SH3RF1: variants seen among roughly 807,000 people sequenced by gnomAD.
SH3RF1 encodes E3 ubiquitin-protein ligase SH3RF1.
In SH3RF1, 32 loss-of-function variants were observed where a neutral mutation model predicts 74.0. The ratio of observed to expected loss-of-function variants is 0.43; its 90% CI spans 0.33 to 0.58. The LOEUF is 0.58. Among genes scored for constraint, SH3RF1 ranks in the 20% least tolerant of loss-of-function variants. The probability of loss-of-function intolerance (pLI) is 0.05; values close to 1 mark genes in which losing one functional copy is unlikely to be tolerated. For synonymous variants in SH3RF1, 396 were observed against 439.6 expected (o/e 0.90, Z 1.24); for missense variants, 954 against 1,130.9 (o/e 0.84, Z 2.24).
At chr4:169,170,162 G>T (rs1382072631) in intron 2 of SH3RF1, among the ~76,000 whole-genome samples, 3 of 151,966 alleles carry the variant, frequency 2.0e-5, no homozygotes, top group Admixed American at 6.6e-5. Context: ...TAAGCCAGTT[G>T]CAGCAAGCCC....
intron 2 of SH3RF1, among the ~76,000 whole-genome samples, chr4:169,187,568 AGTT>A (rs1734630860): frequency 7.2e-6 from 1 of 139,232 alleles, no homozygotes; most frequent in Admixed American, 7.3e-5. Flanking sequence ...GTGTGTGTGT[AGTT>A]GACAAGCAAC....
At chr4:169,143,263 T>C (rs1321053459) in intron 4 of SH3RF1, among the ~76,000 whole-genome samples, 1 of 152,172 alleles carries the variant, frequency 6.6e-6, no homozygotes, top group African/African-American at 2.4e-5. Context: ...ATAATACATT[T>C]TATTTAGCCC....
chr4:169,190,194 C>G (rs893929563), intron 2 of SH3RF1, among the ~76,000 whole-genome samples: 6 of 151,952 alleles, frequency 3.9e-5, no homozygotes, highest in African/African-American at 1.4e-4. Flanking sequence ...AAACCTGAAC[C>G]CAGCAAAAGA....
At chr4:169,232,936 G>A (rs1730766801) in intron 2 of SH3RF1, among the ~76,000 whole-genome samples, 1 of 152,042 alleles carries the variant, frequency 6.6e-6, no homozygotes, top group Admixed American at 6.6e-5. Context: ...TCAAGCCTTC[G>A]TATGCAGCAG....
chr4:169,166,365 T>A (rs529003784), intron 2 of SH3RF1: 23 of 158,948 alleles, frequency 1.4e-4, no homozygotes, highest in African/African-American at 5.3e-4. Flanking sequence ...ACGGGTAACT[T>A]CAAGGCTAAA....
chr4:169,136,491 T>A lies in SH3RF1; in HGVS notation c.895A>T (p.Thr299Ser). 1 of 1,613,770 alleles carries A rather than the reference T, an allele frequency of 6.2e-7. No homozygotes were observed. Among genetic ancestry groups the A allele is most frequent in the South Asian group, 1.1e-5 (1 of 91,040 alleles). The change falls in exon 5 of 12, where the codon ACC (threonine) becomes TCC (serine). Residue 299 changes from threonine (T) to serine (S), a missense_variant. By Grantham distance (58) the Thr-to-Ser change is moderately conservative. Coordinates refer to ENST00000284637, the MANE Select transcript of SH3RF1 (RefSeq NM_020870.4). Reference protein sequence around the residue: ...APKHSDTKKNTKKRHSFTSLT... With the variant: ...APKHSDTKKNSKKRHSFTSLT... The stretch of plus-strand genomic sequence containing the variant: ...GAAGTGAAGGAGTGCCGCTTTTTGG[T>A]GTTCTTCTTGGTGTCGGAGTGCTTT...
intron 2 of SH3RF1, among the ~76,000 whole-genome samples, chr4:169,214,849 T>G (rs991293135): frequency 6.6e-5 from 10 of 152,228 alleles, no homozygotes; most frequent in Non-Finnish European, 1.3e-4. Flanking sequence ...AAAAAAACTT[T>G]CAGGAGTTTT....
At chr4:169,203,125 T>C (rs998063652) in intron 2 of SH3RF1, among the ~76,000 whole-genome samples, 1 of 152,208 alleles carries the variant, frequency 6.6e-6, no homozygotes, top group Admixed American at 6.5e-5. Flanking sequence ...ACCAAACGTC[T>C]CACAGAAAAC....
intron 2 of SH3RF1, among the ~76,000 whole-genome samples, chr4:169,237,435 G>T (rs1021737133): frequency 1.3e-5 from 2 of 152,142 alleles, no homozygotes; most frequent in Admixed American, 1.3e-4. Context: ...GAGGCCAGGA[G>T]TTCAAGACCA....
At position 169,240,913 on chromosome 4, in the gene SH3RF1, T is replaced by TAAGTG. The variant is rs1730897182; in HGVS notation, c.393+27902_393+27906dup. Among the ~76,000 whole-genome samples the TAAGTG allele has an allele frequency of 4.6e-5, 7 of 152,298 alleles. 1 individual carries two copies. The South Asian group carries it at 1.5e-3, about 32-fold the overall frequency. ...TCCCCCTCATTGCAAGGAAGCCTTTTAAGTGAAGTGAAGCTTTCCTTTTTA... is the reference window on the plus strand; with the variant it reads ...TCCCCCTCATTGCAAGGAAGCCTTTTAAGTGAAGTGAAGTGAAGCTTTCCTTTTTA... On this transcript the variant is annotated intron_variant, in intron 2 of 11. Coordinates refer to ENST00000284637, the MANE Select transcript of SH3RF1 (RefSeq NM_020870.4).
intron 6 of SH3RF1, among the ~76,000 whole-genome samples, chr4:169,129,080 C>A (rs1733570394): frequency 6.6e-6 from 1 of 152,182 alleles, no homozygotes; most frequent in African/African-American, 2.4e-5. Flanking sequence ...TCACCACAGG[C>A]CTGCACCCCC....
intron 6 of SH3RF1, among the ~76,000 whole-genome samples, chr4:169,125,140 A>G (rs1733503350): frequency 6.6e-6 from 1 of 152,208 alleles, no homozygotes; most frequent in African/African-American, 2.4e-5. Context: ...TCTTCTCCTG[A>G]CCCAGTGATC....
In SH3RF1 at chr4:169,197,470, A is replaced by G. The variant is rs138167449; in HGVS notation, c.394-40791T>C. On this transcript the variant is annotated intron_variant, in intron 2 of 11. Transcript: ENST00000284637. ...GTGAAACCCCGTCTCTACTAAAAAC[A>G]CAAAAATTAGCCAGTCGTGGTGGTG... 3.9e-4 allele frequency among the ~76,000 whole-genome samples: 59 copies of G among 152,160 alleles called. 1 individual carries two copies. The East Asian group carries it at 0.011, about 29-fold the overall frequency.
chr4:169,135,304 C>CT (rs1359556587), intron 5 of SH3RF1, among the ~76,000 whole-genome samples: 1 of 152,092 alleles, frequency 6.6e-6, no homozygotes, highest in Non-Finnish European at 1.5e-5. Flanking sequence ...AGGACCAGGA[C>CT]TGGTATTTCT....
At chr4:169,261,971 G>C (rs1449195617) in intron 2 of SH3RF1, among the ~76,000 whole-genome samples, 1 of 151,928 alleles carries the variant, frequency 6.6e-6, no homozygotes, top group East Asian at 1.9e-4. Context: ...AAAATGCTAT[G>C]AGAAAAATAC....
chr4:169,196,040 C>T (rs1734805036), intron 2 of SH3RF1, among the ~76,000 whole-genome samples: 2 of 152,116 alleles, frequency 1.3e-5, no homozygotes, highest in Admixed American at 1.3e-4. Flanking sequence ...TCTAGAACTC[C>T]TGACCTCAGG....
chr4:169,197,624 C>CAAAA lies in SH3RF1; in HGVS notation c.394-40949_394-40946dup, dbSNP rs530886905. On this transcript the variant is annotated intron_variant, in intron 2 of 11. Coordinates refer to ENST00000284637, the MANE Select transcript of SH3RF1 (RefSeq NM_020870.4). ...GGGCGACAAAAGCAAGACTCTGTCT[C>CAAAA]AAAAAAAAAAAAAAAGCCCACCTTA... Among the ~76,000 whole-genome samples, 7 of 114,132 alleles carry CAAAA rather than the reference C, an allele frequency of 6.1e-5. 1 individual carries two copies. The highest frequency in any genetic ancestry group is 8.7e-5 in the Non-Finnish European group (5 of 57,602). 74.9% of individuals were successfully genotyped at this position (114,132 alleles called of 152,430 possible). A position where few individuals can be genotyped will look rare whatever the true frequency, so the allele number is the denominator to read the frequency against.
intron 2 of SH3RF1, among the ~76,000 whole-genome samples, chr4:169,267,191 A>C: frequency 6.6e-6 from 1 of 152,234 alleles, no homozygotes; most frequent in African/African-American, 2.4e-5. Context: ...CATTAAGTTG[A>C]GTGTTTGAGC....
Position 169,117,918 on chromosome 4 carries a change from G to A in SH3RF1, c.1518-136C>T, listed in dbSNP as rs1014682466. ...AAATGAATGGAATTATTTTTATAAA[G>A]TTTAAGAATAGAAAATTCAACGTAA... On this transcript the variant is annotated intron_variant, in intron 8 of 11. Transcript: ENST00000284637. 1.0e-5 allele frequency: 12 copies of A among 1,154,154 alleles called. No homozygotes were observed. The African/African-American group carries it at 1.9e-4, about 18-fold the overall frequency. The allele number at this position is 1,154,154 out of a possible 1,614,324, so 71.5% of individuals were successfully genotyped here.
Sources: gnomAD v4.1 joint callset for allele counts (sites outside exome capture counted in the v4.1 genomes callset) on GRCh38, gnomAD v4.1.1 for gene constraint, MANE v1.5 for transcripts, NCBI Gene and HGNC (gene_info 2026-07-23, HGNC 2026-07-21) for gene names.